Variants in PRSS23 observed in about 807,000 individuals in gnomAD.
PRSS23 encodes the protein protease, serine 23.
Under a neutral mutation model 34.7 loss-of-function variants are expected in PRSS23, and 25 were observed. That is an observed-to-expected ratio of 0.72 (90% CI 0.53 to 1.01). The LOEUF is 1.01. Ranked by LOEUF, PRSS23 falls within the 50% of genes least tolerant of loss-of-function variation. The pLI is 0.00. For missense variants in PRSS23, 445 were observed against 475.6 expected (o/e 0.94, Z 0.60); for synonymous variants, 176 against 186.6 (o/e 0.94, Z 0.46).
At chr11:86,926,489 G>T (rs1470893287) in intron 2 of PRSS23, among the ~76,000 whole-genome samples, 1 of 152,194 alleles carries the variant, frequency 6.6e-6, no homozygotes, top group East Asian at 1.9e-4. Flanking sequence ...AAATAAAGGG[G>T]TACCCATAAT....
At position 86,832,187 on chromosome 11, in the gene PRSS23, G is replaced by A. The variant is rs1222571016; in HGVS notation, c.206+8594G>A. Among the ~76,000 whole-genome samples, 10 of 152,038 alleles carry A rather than the reference G, an allele frequency of 6.6e-5. No individual in the cohort carries two copies. In the East Asian group the frequency reaches 1.2e-3, roughly 18 times the overall value. ...CCCCAGTGATGTCATTCATAATATC[G>A]TAGGGAGATATAATTCCTAATATCA... is the stretch of plus-strand genomic sequence containing the variant. On this transcript the variant is annotated intron_variant, in intron 2 of 2. Transcript: ENST00000533902.
intron 2 of PRSS23, among the ~76,000 whole-genome samples, chr11:86,943,690 C>T (rs1245994666): frequency 6.6e-6 from 1 of 152,084 alleles, no homozygotes; most frequent in Non-Finnish European, 1.5e-5. Context: ...GTATTAGTTT[C>T]CTTGGGCTGC....
At chr11:86,812,477 A>G (rs1948185607), downstream of PRSS23, among the ~76,000 whole-genome samples, 1 of 152,226 alleles carries the variant, frequency 6.6e-6, no homozygotes, top group African/African-American at 2.4e-5. Flanking sequence ...GAAATAAACC[A>G]GCTTCCAGAA....
At chr11:86,830,371 C>A (rs915045737) in intron 2 of PRSS23, among the ~76,000 whole-genome samples, 1 of 152,080 alleles carries the variant, frequency 6.6e-6, no homozygotes, top group African/African-American at 2.4e-5. Context: ...TGGGAGTGAC[C>A]CGATTTTCCA....
chr11:86,947,360 G>A (rs1949252708), intron 2 of PRSS23: 1 of 152,564 alleles, frequency 6.6e-6, no homozygotes, highest in Admixed American at 6.5e-5. Context: ...TATTCCTCTA[G>A]GGCTGAGACT....
At chr11:86,874,452 C>G (rs1948709087) in intron 2 of PRSS23, among the ~76,000 whole-genome samples, 1 of 152,218 alleles carries the variant, frequency 6.6e-6, no homozygotes, top group African/African-American at 2.4e-5. Flanking sequence ...TGTGGGAGCA[C>G]TTGTATTCAG....
In PRSS23 at chr11:86,926,859, T is replaced by C. The variant is rs369031549; in HGVS notation, c.207-24357T>C. 1.4e-4 allele frequency among the ~76,000 whole-genome samples: 21 copies of C among 152,180 alleles called. 1 individual carries two copies. Among genetic ancestry groups the C allele is most frequent in the Admixed American group, 9.8e-4 (15 of 15,280 alleles). On this transcript the variant is annotated intron_variant, in intron 2 of 2. Transcript: ENST00000533902. The stretch of plus-strand genomic sequence containing the variant: ...AGTCTGTCTCATTATGTGTTCAGCA[T>C]TGCCACACTAAACTATGTTTATCTG...
At chr11:86,839,805 C>G (rs1948434279) in intron 2 of PRSS23, among the ~76,000 whole-genome samples, 2 of 150,198 alleles carry the variant, frequency 1.3e-5, no homozygotes, top group South Asian at 4.3e-4. Flanking sequence ...TTCAGCATTC[C>G]TAAAGGAAAG....
At chr11:86,952,041 G>T in exon 3 of PRSS23, 1 of 1,614,118 alleles carries the variant, frequency 6.2e-7, no homozygotes, top group Non-Finnish European at 8.5e-7. Flanking sequence ...AGGAAGGTCA[G>T]TACTGTGAAG....
At chr11:86,832,223 A>G (rs1948363543) in intron 2 of PRSS23, among the ~76,000 whole-genome samples, 1 of 152,070 alleles carries the variant, frequency 6.6e-6, no homozygotes, top group Non-Finnish European at 1.5e-5. Context: ...CAGTGGGTGT[A>G]CCACATGTGT....
At chr11:86,821,642 C>T in intron 1 of PRSS23, 1 of 1,585,326 alleles carries the variant, frequency 6.3e-7, no homozygotes, top group Non-Finnish European at 8.6e-7. Flanking sequence ...TCTTGGCCTT[C>T]AGCTGGTTCA....
chr11:86,879,851 G>C (rs112698343), intron 2 of PRSS23, among the ~76,000 whole-genome samples: 101 of 133,530 alleles, frequency 7.6e-4, no homozygotes, highest in South Asian at 1.8e-3. Context: ...CCGGCCAGCC[G>C]CCCCGTCCGG....
At chr11:86,867,874 C>CAAAAAAAAAAAAAAAAAAAAAA (rs11352878) in intron 2 of PRSS23, among the ~76,000 whole-genome samples, 10 of 118,310 alleles carry the variant, frequency 8.5e-5, no homozygotes, top group African/African-American at 2.5e-4. Flanking sequence ...GACCCTACCT[C>CAAAAAAAAAAAAAAAAAAAAAA]AAAAAAAAAA....
chr11:86,852,695 A>T (rs1189558167), intron 2 of PRSS23, among the ~76,000 whole-genome samples: 1 of 152,152 alleles, frequency 6.6e-6, no homozygotes, highest in Non-Finnish European at 1.5e-5. Flanking sequence ...CATCATCTCC[A>T]GAACAGTTTT....
intron 2 of PRSS23, among the ~76,000 whole-genome samples, chr11:86,931,157 T>C (rs751501463): frequency 6.6e-6 from 1 of 152,228 alleles, no homozygotes; most frequent in Non-Finnish European, 1.5e-5. Flanking sequence ...TCTGACAAAC[T>C]ACTTTGGAAA....
rs80227960 is a variant in PRSS23, at chr11:86,906,628, G to A, written c.207-44588G>A. On this transcript the variant is annotated intron_variant, in intron 2 of 2. Transcript: ENST00000533902. ...TTTCCTCCATACCCTGCATTTCCCAGAGGTAGAGCTGAGGTCCAGGGACAG... is the reference window on the plus strand; with the variant it reads ...TTTCCTCCATACCCTGCATTTCCCAAAGGTAGAGCTGAGGTCCAGGGACAG... Among the ~76,000 whole-genome samples, 1,413 of 152,292 alleles carry A rather than the reference G, an allele frequency of 9.3e-3. 22 individuals are homozygous for A. Among genetic ancestry groups the A allele is most frequent in the African/African-American group, 0.032 (1,335 of 41,566 alleles).
intron 2 of PRSS23, among the ~76,000 whole-genome samples, chr11:86,929,293 G>A (rs1160456312): frequency 1.3e-5 from 2 of 148,748 alleles, no homozygotes; most frequent in East Asian, 3.9e-4. Flanking sequence ...TTGTACTCCA[G>A]CCTGGGCAAC....
intron 2 of PRSS23, among the ~76,000 whole-genome samples, chr11:86,874,505 C>T (rs945689761): frequency 1.1e-4 from 17 of 152,284 alleles, no homozygotes; most frequent in African/African-American, 2.2e-4. Flanking sequence ...TGGGACCATC[C>T]GCCAGTCATG....
chr11:86,924,093 C>T (rs1039760608), intron 2 of PRSS23, among the ~76,000 whole-genome samples: 1 of 152,080 alleles, frequency 6.6e-6, no homozygotes, highest in African/African-American at 2.4e-5. Context: ...GAGGTAAGAT[C>T]GAGAGCCGGA....
Sources: allele counts gnomAD v4.1 joint callset (sites outside exome capture counted in the v4.1 genomes callset), GRCh38; gene constraint gnomAD v4.1.1; transcripts MANE v1.5; gene names NCBI Gene and HGNC (gene_info 2026-07-23, HGNC 2026-07-21).